DGKB: variants seen among roughly 807,000 people sequenced by gnomAD.
DGKB encodes diacylglycerol kinase beta, also known as 90 kDa diacylglycerol kinase.
In DGKB, 67 loss-of-function variants were observed where a neutral mutation model predicts 114.3. The observed-to-expected ratio is 0.59, with a 90% CI of 0.48 to 0.72. The LOEUF (loss-of-function observed/expected upper bound fraction) is 0.72, where lower values mean the gene tolerates loss of function less well. Ranked by LOEUF, DGKB falls within the 30% of genes least tolerant of loss-of-function variation. The pLI is 0.00. For missense variants in DGKB, 907 were observed against 975.2 expected (o/e 0.93, Z 0.93); for synonymous variants, 398 against 323.1 (o/e 1.23, Z -2.49).
At chr7:14,162,229 C>T (rs947462433) in intron 25 of DGKB, among the ~76,000 whole-genome samples, 8 of 152,152 alleles carry the variant, frequency 5.3e-5, no homozygotes, top group African/African-American at 1.9e-4. Context: ...TAGTCTGTAT[C>T]CACCAGCAGA....
intron 1 of DGKB, among the ~76,000 whole-genome samples, chr7:14,925,293 G>A (rs1338167364): frequency 2.0e-5 from 3 of 152,158 alleles, no homozygotes; most frequent in Non-Finnish European, 4.4e-5. Context: ...ATGCTGAGGA[G>A]TAAAACCATT....
rs149091877 is a variant in DGKB at position 14,329,868 on chromosome 7, C to A, written c.2122+8647G>T. Reference sequence around the variant, plus strand: ...GGCAATATTTATTTAGTTTGGAAATCTGTTTTATATGTCTACCACTGGGTA... The same window carrying A: ...GGCAATATTTATTTAGTTTGGAAATATGTTTTATATGTCTACCACTGGGTA... On this transcript the variant is annotated intron_variant, in intron 23 of 25. Transcript: ENST00000402815. 8.1e-3 allele frequency among the ~76,000 whole-genome samples: 1,230 copies of A among 152,038 alleles called. 15 individuals carry two copies. Among genetic ancestry groups the A allele is most frequent in the African/African-American group, 0.028 (1,162 of 41,508 alleles).
intron 21 of DGKB, among the ~76,000 whole-genome samples, chr7:14,415,437 C>T (rs1209506487): frequency 6.7e-6 from 1 of 149,290 alleles, no homozygotes; most frequent in South Asian, 2.2e-4. Context: ...CACCCCACAA[C>T]AGGCCCCAGT....
chr7:14,685,454 T>C, intron 9 of DGKB, 92 bp from the exon 10 acceptor site: 2 of 889,260 alleles, frequency 2.2e-6, no homozygotes, highest in South Asian at 1.5e-5. Flanking sequence ...GACTGAAGCA[T>C]GTGAAGACAA....
chr7:14,201,895 T>C (rs1199465557), intron 23 of DGKB, among the ~76,000 whole-genome samples: 1 of 151,962 alleles, frequency 6.6e-6, no homozygotes, highest in Non-Finnish European at 1.5e-5. Flanking sequence ...TAAGCATACG[T>C]TGAATTAGTA....
chr7:14,820,423 T>C (rs1403585184), intron 2 of DGKB, among the ~76,000 whole-genome samples: 1 of 152,158 alleles, frequency 6.6e-6, no homozygotes. Context: ...TAAAATCCTA[T>C]GCAACCCCTG....
At chr7:14,509,698 G>T (rs1393133207) in intron 20 of DGKB, among the ~76,000 whole-genome samples, 1 of 152,162 alleles carries the variant, frequency 6.6e-6, no homozygotes, top group Non-Finnish European at 1.5e-5. Flanking sequence ...GCTCTGGGCC[G>T]TGAGCAAGCC....
At chr7:14,530,715 T>G (rs1791444544) in intron 20 of DGKB, among the ~76,000 whole-genome samples, 1 of 151,546 alleles carries the variant, frequency 6.6e-6, no homozygotes, top group South Asian at 2.1e-4. Context: ...CTTGCCAATC[T>G]CACAAAGAAT....
chr7:14,833,001 G>C (rs1846636451), intron 2 of DGKB, among the ~76,000 whole-genome samples: 1 of 151,840 alleles, frequency 6.6e-6, no homozygotes, highest in South Asian at 2.1e-4. Flanking sequence ...ATTTCTTTTT[G>C]TTTTCCTTTC....
At chr7:14,610,928 A>C (rs913649316) in intron 16 of DGKB, among the ~76,000 whole-genome samples, 2 of 152,074 alleles carry the variant, frequency 1.3e-5, no homozygotes, top group Non-Finnish European at 2.9e-5. Flanking sequence ...CATGATGCAA[A>C]GTTTATGCCA....
chr7:14,901,910 T>C (rs778231040), intron 1 of DGKB, among the ~76,000 whole-genome samples: 3 of 152,126 alleles, frequency 2.0e-5, no homozygotes, highest in African/African-American at 4.8e-5. Context: ...TTTCTAAGTA[T>C]AGAGCCATCT....
rs562004143 is a variant in DGKB, at chr7:14,205,431, T to TA, written c.2123-27281_2123-27280insT. 1.2e-4 allele frequency among the ~76,000 whole-genome samples: 18 copies of TA among 152,070 alleles called. 1 individual carries two copies. The East Asian group carries it at 1.9e-3, about 16-fold the overall frequency. On this transcript the variant is annotated intron_variant, in intron 23 of 25. Transcript: ENST00000402815. The stretch of plus-strand genomic sequence containing the variant: ...TTCTCTTTCTTGGGGACACCTCATA[T>TA]CATCTCTTCTGGGAGCAGAAGTTAT...
chr7:14,449,679 A>G (rs1831200207), intron 21 of DGKB, among the ~76,000 whole-genome samples: 1 of 152,104 alleles, frequency 6.6e-6, no homozygotes, highest in Admixed American at 6.6e-5. Context: ...TCCATAAGAC[A>G]AGATAATTTC....
chr7:14,241,253 A>G (rs1408485795), intron 23 of DGKB, among the ~76,000 whole-genome samples: 2 of 152,162 alleles, frequency 1.3e-5, no homozygotes, highest in Non-Finnish European at 2.9e-5. Context: ...CCAGCAGCCT[A>G]ATTTACATTG....
chr7:14,820,396 T>C (rs1326528530), intron 2 of DGKB, among the ~76,000 whole-genome samples: 1 of 152,204 alleles, frequency 6.6e-6, no homozygotes, highest in Non-Finnish European at 1.5e-5. Flanking sequence ...AACGCTATAG[T>C]ATGGTGTGCC....
chr7:14,326,556 A>AT (rs949617393), intron 23 of DGKB, among the ~76,000 whole-genome samples: 5 of 152,124 alleles, frequency 3.3e-5, no homozygotes, highest in Non-Finnish European at 5.9e-5. Flanking sequence ...TGAAGAAAAC[A>AT]TTATTCTCAA....
At chr7:14,715,994 G>T (rs745336979) in intron 6 of DGKB, among the ~76,000 whole-genome samples, 3 of 152,100 alleles carry the variant, frequency 2.0e-5, no homozygotes, top group Non-Finnish European at 2.9e-5. Flanking sequence ...GGAAAGTGGC[G>T]GGAGGCACTG....
In DGKB at chr7:14,178,168, GC is replaced by G. The variant is rs755017325; in HGVS notation, c.2123-18del. The G allele has an allele frequency of 1.9e-6, 3 of 1,612,668 alleles. No homozygotes were observed. The East Asian group carries it at 6.7e-5, about 36-fold the overall frequency. On this transcript the variant is annotated intron_variant, in intron 23 of 25. Transcript: ENST00000402815. ...CACTGAGATCTGAAAGAAAGTAGAT[GC>G]CTTTTAAGTTGCAATGTGTATACAT...
chr7:14,451,541 A>ATCTATC (rs764731256), intron 21 of DGKB, among the ~76,000 whole-genome samples: 26 of 99,210 alleles, frequency 2.6e-4, no homozygotes, highest in Non-Finnish European at 4.8e-4. Context: ...AAATCTCTCT[A>ATCTATC]TCTGTCTCTC....
Sources: gnomAD v4.1 joint callset for allele counts (sites outside exome capture counted in the v4.1 genomes callset) on GRCh38, gnomAD v4.1.1 for gene constraint, MANE v1.5 for transcripts, NCBI Gene and HGNC (gene_info 2026-07-23, HGNC 2026-07-21) for gene names.